Variants in MSTO1 observed in about 807,000 individuals in gnomAD.
The protein encoded by MSTO1 is misato mitochondrial distribution and morphology regulator 1, also known as protein misato homolog 1.
MSTO1 carries 24 observed loss-of-function variants against 55.7 expected under a neutral mutation model. That is an observed-to-expected ratio of 0.43 (90% CI 0.31 to 0.61). The LOEUF (loss-of-function observed/expected upper bound fraction) is 0.61, where lower values mean the gene tolerates loss of function less well. Ranked by LOEUF, MSTO1 falls within the 20% of genes least tolerant of loss-of-function variation. MSTO1 has a pLI of 0.09. For missense variants in MSTO1, 363 were observed against 625.7 expected (o/e 0.58, Z 4.48); for synonymous variants, 162 against 252.8 (o/e 0.64, Z 3.41).
At chr1:155,591,207 A>G in the MSTO1 span, 1 of 1,612,112 alleles carries the variant, frequency 6.2e-7, no homozygotes, top group Non-Finnish European at 8.5e-7. Context: ...CAGGCCATTC[A>G]CCCAGCCCAG....
the MSTO1 span, among the ~76,000 whole-genome samples, chr1:155,572,093 G>A: frequency 1.8e-4 from 27 of 151,682 alleles, no homozygotes; most frequent in African/African-American, 6.5e-4. Flanking sequence ...CTTTTCCTAT[G>A]GGACTTGGGA....
chr1:155,580,003 G>A, the MSTO1 span, among the ~76,000 whole-genome samples: 4 of 151,580 alleles, frequency 2.6e-5, no homozygotes, highest in Admixed American at 2.6e-4. Flanking sequence ...TTGAACCCGG[G>A]AGGCAGAGGT....
chr1:155,592,559 C>CTT, the MSTO1 span, among the ~76,000 whole-genome samples: 2 of 147,210 alleles, frequency 1.4e-5, no homozygotes, highest in African/African-American at 5.0e-5. Flanking sequence ...TTGACAGTTA[C>CTT]TTTTTTTTTT....
the MSTO1 span, among the ~76,000 whole-genome samples, chr1:155,575,598 G>A: frequency 2.6e-5 from 4 of 151,598 alleles, no homozygotes; most frequent in South Asian, 4.2e-4. Flanking sequence ...GCACGCCACC[G>A]CACCTGGCTA....
chr1:155,567,434 C>T, the MSTO1 span, among the ~76,000 whole-genome samples: 1 of 151,882 alleles, frequency 6.6e-6, no homozygotes. Flanking sequence ...GCCTCAGCCT[C>T]CCGAGTAGCT....
intron 9 of MSTO1, 92 bp downstream of exon 9, chr1:155,612,662 G>A: frequency 6.7e-7 from 1 of 1,490,836 alleles, no homozygotes; most frequent in Non-Finnish European, 9.1e-7. Context: ...CTCTGTTCTT[G>A]AGGCCCGAGC....
the MSTO1 span, among the ~76,000 whole-genome samples, chr1:155,570,444 A>G: frequency 6.6e-6 from 1 of 152,202 alleles, no homozygotes; most frequent in African/African-American, 2.4e-5. Flanking sequence ...CCATCTGTGG[A>G]CATCAGCATG....
At chr1:155,610,173 C>T (rs1673500530), upstream of MSTO1, 4 of 1,085,438 alleles carry the variant, frequency 3.7e-6, no homozygotes, top group Non-Finnish European at 5.3e-6. Flanking sequence ...CACCCGCCCA[C>T]GCGCCTGCCA....
At chr1:155,608,254 C>A (rs1187873606), upstream of MSTO1, among the ~76,000 whole-genome samples, 4 of 152,288 alleles carry the variant, frequency 2.6e-5, no homozygotes, top group African/African-American at 9.6e-5. Flanking sequence ...GCCTCTAATT[C>A]CTGCGCTGAA....
At chr1:155,589,016 G>A in the MSTO1 span, among the ~76,000 whole-genome samples, 2 of 152,024 alleles carry the variant, frequency 1.3e-5, no homozygotes, top group Non-Finnish European at 2.9e-5. Context: ...ATTTCCTCTC[G>A]GCCGGGCACG....
the MSTO1 span, chr1:155,591,193 A>G: frequency 1.3e-5 from 21 of 1,612,690 alleles, 1 homozygote; most frequent in South Asian, 2.3e-4. Flanking sequence ...AGGACGCAGG[A>G]GACCAGGCCA....
At chr1:155,577,119 C>T in the MSTO1 span, among the ~76,000 whole-genome samples, 6 of 143,694 alleles carry the variant, frequency 4.2e-5, no homozygotes, top group Non-Finnish European at 7.5e-5. Context: ...GATGGAGTCT[C>T]GCTCTGTCAC....
At chr1:155,578,914 C>T in the MSTO1 span, among the ~76,000 whole-genome samples, 2 of 150,676 alleles carry the variant, frequency 1.3e-5, no homozygotes, top group East Asian at 2.0e-4. Context: ...CTGCCCACCT[C>T]GGCCTCCCAA....
At chr1:155,574,045 G>C in the MSTO1 span, among the ~76,000 whole-genome samples, 1 of 151,944 alleles carries the variant, frequency 6.6e-6, no homozygotes, top group Admixed American at 6.6e-5. Flanking sequence ...GGAATCTTCT[G>C]TTGGATCTTA....
the MSTO1 span, among the ~76,000 whole-genome samples, chr1:155,575,183 A>C: frequency 6.6e-6 from 1 of 151,180 alleles, no homozygotes; most frequent in Non-Finnish European, 1.5e-5. Context: ...TGTACTTTCT[A>C]TGAGTAAAAA....
the MSTO1 span, among the ~76,000 whole-genome samples, chr1:155,574,038 A>G: frequency 6.6e-6 from 1 of 152,022 alleles, no homozygotes; most frequent in Non-Finnish European, 1.5e-5. Context: ...CAGATGTGGA[A>G]TCTTCTGTTG....
At chr1:155,585,825 C>A in the MSTO1 span, among the ~76,000 whole-genome samples, 1 of 152,054 alleles carries the variant, frequency 6.6e-6, no homozygotes, top group Non-Finnish European at 1.5e-5. Context: ...TTCCTTTCTC[C>A]CTAAGAGTAA....
the MSTO1 span, among the ~76,000 whole-genome samples, chr1:155,593,144 C>T: frequency 6.6e-6 from 1 of 152,052 alleles, no homozygotes; most frequent in African/African-American, 2.4e-5. Flanking sequence ...AAACTCCTGA[C>T]CTTAGGTGAT....
At chr1:155,611,472 C>G in intron 4 of MSTO1, 77 bp from the exon 5 acceptor site, 9 of 1,613,684 alleles carry the variant, frequency 5.6e-6, no homozygotes, top group Non-Finnish European at 7.6e-6. Context: ...GTGTGGCCAG[C>G]CAACTCAAGG....
Sources: gnomAD v4.1 joint callset for allele counts (sites outside exome capture counted in the v4.1 genomes callset) on GRCh38, gnomAD v4.1.1 for gene constraint, MANE v1.5 for transcripts, NCBI Gene and HGNC (gene_info 2026-07-23, HGNC 2026-07-21) for gene names.